GADL1: variants seen among roughly 807,000 people sequenced by gnomAD.
GADL1 encodes acidic amino acid decarboxylase GADL1.
GADL1 carries 71 observed loss-of-function variants against 69.5 expected under a neutral mutation model. The ratio of observed to expected loss-of-function variants is 1.02; its 90% CI spans 0.84 to 1.25. The LOEUF (loss-of-function observed/expected upper bound fraction) is 1.25, where lower values mean the gene tolerates loss of function less well. Ranked by LOEUF, GADL1 falls within the 50% of genes most tolerant of loss-of-function variation. GADL1 has a pLI of 0.00. For missense variants in GADL1, 737 were observed against 631.8 expected (o/e 1.17, Z -1.79); for synonymous variants, 254 against 214.4 (o/e 1.18, Z -1.62).
chr3:30,836,049 C>G (rs908020161), intron 9 of GADL1, among the ~76,000 whole-genome samples: 6 of 152,030 alleles, frequency 3.9e-5, no homozygotes, highest in Non-Finnish European at 4.4e-5. Flanking sequence ...TCTTGACTTT[C>G]ATTACATATT....
chr3:30,816,482 C>T (rs1453315008), intron 11 of GADL1, among the ~76,000 whole-genome samples: 2 of 147,440 alleles, frequency 1.4e-5, no homozygotes, highest in Non-Finnish European at 3.0e-5. Flanking sequence ...TGTCATTGTC[C>T]AGATCTGACT....
At chr3:30,760,252 A>G (rs576922907) in intron 14 of GADL1, among the ~76,000 whole-genome samples, 28 of 152,298 alleles carry the variant, frequency 1.8e-4, no homozygotes, top group Admixed American at 1.2e-3. Context: ...TCGTTTCCAT[A>G]GCAATACATA....
At chr3:30,842,382 G>C (rs1036371370) in intron 8 of GADL1, among the ~76,000 whole-genome samples, 4 of 152,068 alleles carry the variant, frequency 2.6e-5, no homozygotes, top group African/African-American at 4.8e-5. Context: ...AGGGTATGTG[G>C]TACAGATGAA....
At chr3:30,783,181 CATT>C (rs1696706145) in intron 13 of GADL1, among the ~76,000 whole-genome samples, 2 of 152,070 alleles carry the variant, frequency 1.3e-5, no homozygotes, top group South Asian at 4.2e-4. Flanking sequence ...GTTGATGAAA[CATT>C]AATAACTCCT....
chr3:30,828,134 C>A (rs367753001), intron 11 of GADL1, among the ~76,000 whole-genome samples: 7 of 151,806 alleles, frequency 4.6e-5, no homozygotes, highest in African/African-American at 1.7e-4. Context: ...AAAGAAATCC[C>A]CACAAAAGCA....
chr3:30,728,354 G>T lies in GADL1; in HGVS notation c.1454C>A (p.Pro485Gln), dbSNP rs745494042. 1 of 1,613,766 alleles carries T rather than the reference G, an allele frequency of 6.2e-7. No individual in the cohort carries two copies. Among genetic ancestry groups the T allele is most frequent in the African/African-American group, 1.3e-5 (1 of 75,002 alleles). The change falls in exon 15 of 15, where the codon CCG becomes CAG. Residue 485 changes from proline to glutamine, a missense_variant. Coordinates refer to ENST00000282538, the MANE Select transcript of GADL1 (RefSeq NM_207359.3). ...KKGSLMLGYQPHRGKVNFFRQ... is the reference protein window; with the variant it reads ...KKGSLMLGYQQHRGKVNFFRQ... Reference sequence around the variant, plus strand: ...GAAGAAGTTGACCTTTCCCCGGTGCGGCTGGTAGCCCAGCATCAAGCTTCC... The same window carrying T: ...GAAGAAGTTGACCTTTCCCCGGTGCTGCTGGTAGCCCAGCATCAAGCTTCC...
chr3:30,777,642 A>T (rs1240746892), intron 14 of GADL1, among the ~76,000 whole-genome samples: 1 of 152,168 alleles, frequency 6.6e-6, no homozygotes, highest in Non-Finnish European at 1.5e-5. Flanking sequence ...CGGTATCATC[A>T]GCCCCAACAG....
intron 4 of GADL1, among the ~76,000 whole-genome samples, chr3:30,852,878 G>A: frequency 6.6e-6 from 1 of 152,096 alleles, no homozygotes; most frequent in African/African-American, 2.4e-5. Context: ...ATTGAAAAAG[G>A]TGTGTAATTT....
intron 11 of GADL1, among the ~76,000 whole-genome samples, chr3:30,821,495 G>A (rs967726590): frequency 1.4e-5 from 2 of 139,454 alleles, no homozygotes; most frequent in African/African-American, 2.5e-5. Flanking sequence ...TGATGGGTTC[G>A]TGGAAGTTCA....
intron 14 of GADL1, among the ~76,000 whole-genome samples, chr3:30,769,803 G>C (rs938148813): frequency 5.9e-5 from 9 of 152,168 alleles, no homozygotes; most frequent in African/African-American, 2.2e-4. Flanking sequence ...GTAGATGAGA[G>C]AGCTCAAGCA....
chr3:30,857,274 G>C, intron 2 of GADL1, 133 bp from the exon 3 acceptor site: 1 of 703,116 alleles, frequency 1.4e-6, no homozygotes, highest in Non-Finnish European at 2.4e-6. Context: ...TAGTTCAGAC[G>C]AAAAGAACTA....
At position 30,816,530 on chromosome 3, in the gene GADL1, C is replaced by CTTTT. The variant is rs773530741; in HGVS notation, c.1051-15446_1051-15443dup. ...AGACCATATATTCTTAATTTGTTTTCTTTTTTTTTTTTTTTTTTTTTTTTT... is the reference window on the plus strand; with the variant it reads ...AGACCATATATTCTTAATTTGTTTTCTTTTTTTTTTTTTTTTTTTTTTTTTTTTT... On this transcript the variant is annotated intron_variant, in intron 11 of 14. Coordinates refer to ENST00000282538, the MANE Select transcript of GADL1 (RefSeq NM_207359.3). Among the ~76,000 whole-genome samples the CTTTT allele has an allele frequency of 2.7e-3, 145 of 53,978 alleles. 43 individuals carry two copies. Among genetic ancestry groups the CTTTT allele is most frequent in the Non-Finnish European group, 4.4e-3 (111 of 25,430 alleles). 35.4% of individuals were successfully genotyped at this position (53,978 alleles called of 152,430 possible).
chr3:30,797,235 ATATAAAG>A (rs1040184776), intron 12 of GADL1, among the ~76,000 whole-genome samples: 15 of 152,176 alleles, frequency 9.9e-5, no homozygotes, highest in Admixed American at 3.9e-4. Flanking sequence ...CTGTGATATG[ATATAAAG>A]TATAAAGTCA....
At chr3:30,817,048 A>G (rs143385724) in intron 11 of GADL1, among the ~76,000 whole-genome samples, 2 of 152,168 alleles carry the variant, frequency 1.3e-5, no homozygotes, top group Non-Finnish European at 2.9e-5. Context: ...CCTAAAATGA[A>G]CCGTAGACAT....
In GADL1 at chr3:30,833,846, A is replaced by C; in HGVS notation, c.1050+7T>G. The C allele has an allele frequency of 6.2e-7, 1 of 1,607,856 alleles. No individual in the cohort carries two copies. Among genetic ancestry groups the C allele is most frequent in the South Asian group, 1.1e-5 (1 of 90,926 alleles). On this transcript the variant is annotated splice_region_variant and intron_variant, in intron 11 of 14. Transcript: ENST00000282538. Reference sequence around the variant, plus strand: ...GAAGCCCAAAGGACCACAAGAGGAAAACTTACAGATTTGTCTTTCACAAGG... The same window carrying C: ...GAAGCCCAAAGGACCACAAGAGGAACACTTACAGATTTGTCTTTCACAAGG...
chr3:30,861,272 T>TTAGC, intron 2 of GADL1, among the ~76,000 whole-genome samples: 1 of 151,754 alleles, frequency 6.6e-6, no homozygotes, highest in East Asian at 1.9e-4. Context: ...GTAAGTGAGA[T>TTAGC]TAGCAGGTTA....
intron 14 of GADL1, 76 bp from the exon 15 acceptor site, chr3:30,728,491 T>C: frequency 8.1e-7 from 1 of 1,227,874 alleles, no homozygotes. Context: ...CACCAGCCAT[T>C]GGACATTTAC....
At chr3:30,790,979 A>C (rs1429312320) in intron 12 of GADL1, among the ~76,000 whole-genome samples, 1 of 151,680 alleles carries the variant, frequency 6.6e-6, no homozygotes, top group Non-Finnish European at 1.5e-5. Flanking sequence ...AATGGGGATG[A>C]TTTGATTCAA....
intron 14 of GADL1, among the ~76,000 whole-genome samples, chr3:30,731,443 T>A (rs1159800057): frequency 6.6e-6 from 1 of 152,214 alleles, no homozygotes; most frequent in African/African-American, 2.4e-5. Flanking sequence ...GAGGCTCACA[T>A]GAGGCAATTA....
Sources: gnomAD v4.1 joint callset for allele counts (sites outside exome capture counted in the v4.1 genomes callset) on GRCh38, gnomAD v4.1.1 for gene constraint, MANE v1.5 for transcripts, NCBI Gene and HGNC (gene_info 2026-07-23, HGNC 2026-07-21) for gene names.